Variants in TRPM2 observed in about 807,000 individuals in gnomAD.
The protein encoded by TRPM2 is transient receptor potential cation channel subfamily M member 2.
A neutral mutation model predicts 174.0 loss-of-function variants in TRPM2; 161 were observed. The ratio of observed to expected loss-of-function variants is 0.93; its 90% CI spans 0.81 to 1.05. TRPM2 has a LOEUF of 1.05. TRPM2 is among the 50% of genes least tolerant of loss of function. The probability of loss-of-function intolerance (pLI) is 0.00; values close to 1 mark genes in which losing one functional copy is unlikely to be tolerated. For synonymous variants in TRPM2, 954 were observed against 861.3 expected, an observed-to-expected ratio of 1.11 and a Z score of -1.88; for missense variants, 2,057 against 2,038.0, an observed-to-expected ratio of 1.01 and a Z score of -0.18.
intron 2 of TRPM2, among the ~76,000 whole-genome samples, chr21:44,360,239 A>G (rs1295051423): frequency 7.9e-5 from 12 of 152,220 alleles, no homozygotes; most frequent in Non-Finnish European, 1.6e-4. Context: ...CAGTTGAAGA[A>G]AGAGATTGCC....
chr21:44,441,581 A>C, intron 31 of TRPM2, 111 bp from the exon 32 acceptor site: 14 of 1,355,578 alleles, frequency 1.0e-5, no homozygotes, highest in Non-Finnish European at 1.3e-5. Context: ...TTCACAGAGG[A>C]GTAAAGGGAG....
At chr21:44,385,327 G>T (rs2048988523) in intron 9 of TRPM2, among the ~76,000 whole-genome samples, 2 of 152,212 alleles carry the variant, frequency 1.3e-5, no homozygotes, top group Admixed American at 6.5e-5. Flanking sequence ...AATGGTGAAA[G>T]ACTGGGACAT....
intron 5 of TRPM2, among the ~76,000 whole-genome samples, chr21:44,374,116 A>G (rs1042594559): frequency 6.6e-6 from 1 of 151,590 alleles, no homozygotes; most frequent in Non-Finnish European, 1.5e-5. Context: ...GTTCAAGCAA[A>G]TCTCCCACCT....
chr21:44,429,278 C>CTT (rs35708355), intron 27 of TRPM2, among the ~76,000 whole-genome samples: 8 of 44,194 alleles, frequency 1.8e-4, no homozygotes, highest in Non-Finnish European at 2.5e-4. Flanking sequence ...TTTTCTTTTT[C>CTT]TTTTTTTTTT....
At chr21:44,365,720 G>A (rs374512631) in intron 3 of TRPM2, among the ~76,000 whole-genome samples, 33 of 152,278 alleles carry the variant, frequency 2.2e-4, no homozygotes, top group Middle Eastern at 3.4e-3. Context: ...GACAGGGGCC[G>A]GTGGTGTGAG....
At chr21:44,404,530 G>A (rs950176656) in intron 16 of TRPM2, among the ~76,000 whole-genome samples, 5 of 152,178 alleles carry the variant, frequency 3.3e-5, no homozygotes, top group African/African-American at 1.2e-4. Context: ...GTTCCTCCAC[G>A]TCCTGTTCCC....
At chr21:44,401,924 C>T (rs1448800407) in intron 16 of TRPM2, 27 bp downstream of exon 16, 1 of 1,612,762 alleles carries the variant, frequency 6.2e-7, no homozygotes. Flanking sequence ...TTTTCCACGC[C>T]CCAGCCCGGG....
chr21:44,398,190 T>C (rs1180576352), intron 13 of TRPM2, among the ~76,000 whole-genome samples: 1 of 141,270 alleles, frequency 7.1e-6, no homozygotes, highest in Non-Finnish European at 1.5e-5. Context: ...TCAGTCTCCC[T>C]GAAAATTTGG....
chr21:44,406,819 A>G (rs2049900756), intron 19 of TRPM2, 54 bp downstream of exon 19: 1 of 1,549,938 alleles, frequency 6.5e-7, no homozygotes, highest in Admixed American at 2.0e-5. Flanking sequence ...AGCAGGAGAG[A>G]GGCTGGAAAG....
intron 2 of TRPM2, among the ~76,000 whole-genome samples, chr21:44,358,476 G>C (rs558245339): frequency 6.6e-6 from 1 of 152,190 alleles, no homozygotes; most frequent in East Asian, 1.9e-4. Flanking sequence ...TCCCGTTTAC[G>C]CCTATCTGGG....
rs564332083 is a variant in TRPM2, at chr21:44,438,612, G to T, written c.4168-455G>T. Among the ~76,000 whole-genome samples the T allele has an allele frequency of 5.3e-5, 8 of 152,302 alleles. No individual in the cohort carries two copies. The East Asian group carries it at 1.5e-3, about 29-fold the overall frequency. On this transcript the variant is annotated intron_variant, in intron 29 of 31. Coordinates refer to ENST00000397928, the MANE Select transcript of TRPM2 (RefSeq NM_003307.4). The surrounding 1 kb of genome is among the most constrained non-coding windows in gnomAD (Gnocchi z 5.9). ...GGTCCCTGAGTCAGGTGGCGCTCGG[G>T]AGCGTCTGGGAGCCCAGCCAGCCGC...
chr21:44,423,746 C>G lies in TRPM2; in HGVS notation c.3549+14C>G, dbSNP rs914294284. On this transcript the variant is annotated intron_variant, in intron 23 of 31. Coordinates refer to ENST00000397928, the MANE Select transcript of TRPM2 (RefSeq NM_003307.4). ...CTGGAGGAGCAGGTGGGTCCGAGGT[C>G]GGGGCCTCCGTCAGGAGGTGCCACT... The G allele has an allele frequency of 6.3e-6, 10 of 1,591,260 alleles. No individual in the cohort carries two copies. In the African/African-American group the frequency reaches 1.1e-4, roughly 17 times the overall value.
In TRPM2 at chr21:44,366,054, C is replaced by T. The variant is rs45614632; in HGVS notation, c.424-700C>T. 0.013 allele frequency among the ~76,000 whole-genome samples: 1,965 copies of T among 152,340 alleles called. 39 individuals are homozygous for T. Among genetic ancestry groups the T allele is most frequent in the African/African-American group, 0.032 (1,334 of 41,572 alleles). ...CAATCCCGGCGGAGATTGCAGACCC[C>T]GCTGGGTCTCTTCAGACACAGCCCG... On this transcript the variant is annotated intron_variant, in intron 3 of 31. Transcript: ENST00000397928. This position sits in a 1 kb window ranked among gnomAD's most constrained non-coding sequence, Gnocchi z 6.0.
intron 28 of TRPM2, among the ~76,000 whole-genome samples, chr21:44,436,244 T>C (rs2051261632): frequency 6.6e-6 from 1 of 152,146 alleles, no homozygotes; most frequent in Non-Finnish European, 1.5e-5. Context: ...GCTGCCCCCA[T>C]TGGGCAGGAA....
chr21:44,395,440 C>T lies in TRPM2; in HGVS notation c.1821C>T (p.Leu607=). Reference sequence around the variant, plus strand: ...TGCAGGGAGTGAGCCTCCGGTCCCTCTACAAGCGTTCCTCAGGCCATGTGA... The same window carrying T: ...TGCAGGGAGTGAGCCTCCGGTCCCTTTACAAGCGTTCCTCAGGCCATGTGA... The part of the protein sequence containing the change: ...LNVQGVSLRS[L]YKRSSGHVTF... Residue 607 remains leucine (L), a synonymous_variant, in exon 12 of 32, where the codon CTC becomes CTT. Coordinates refer to ENST00000397928, the MANE Select transcript of TRPM2 (RefSeq NM_003307.4). 1 of 1,612,880 alleles carries T rather than the reference C, an allele frequency of 6.2e-7. No individual in the cohort carries two copies. Among genetic ancestry groups the T allele is most frequent in the Non-Finnish European group, 8.5e-7 (1 of 1,179,958 alleles).
chr21:44,407,242 C>T (rs182520560), intron 19 of TRPM2, among the ~76,000 whole-genome samples: 2 of 142,986 alleles, frequency 1.4e-5, no homozygotes, highest in African/African-American at 5.3e-5. Context: ...CTCCTCCCAC[C>T]CGTCTGCTGA....
chr21:44,387,349 A>G (rs560375513), intron 9 of TRPM2, among the ~76,000 whole-genome samples: 6 of 152,242 alleles, frequency 3.9e-5, no homozygotes, highest in Non-Finnish European at 8.8e-5. Context: ...CTGGATATCC[A>G]CATGCCAAAG....
At chr21:44,380,064 G>A (rs933994437) in intron 8 of TRPM2, among the ~76,000 whole-genome samples, 1 of 152,218 alleles carries the variant, frequency 6.6e-6, no homozygotes, top group Non-Finnish European at 1.5e-5. Flanking sequence ...GATTGGGCCT[G>A]TGGAGAGTGG....
intron 7 of TRPM2, among the ~76,000 whole-genome samples, chr21:44,378,700 G>A (rs931520021): frequency 6.6e-6 from 1 of 152,182 alleles, no homozygotes; most frequent in African/African-American, 2.4e-5. Context: ...TCCATGCAGC[G>A]TCCCCTTTGC....
Sources: gnomAD v4.1 joint callset for allele counts (sites outside exome capture counted in the v4.1 genomes callset) on GRCh38, gnomAD v4.1.1 for gene constraint, Gnocchi (gnomAD v3.1) non-coding constraint, MANE v1.5 for transcripts, NCBI Gene and HGNC (gene_info 2026-07-23, HGNC 2026-07-21) for gene names.